Variants in SRPK2 observed in about 807,000 individuals in gnomAD.
SRPK2 encodes SFRS protein kinase 2.
SRPK2 carries 21 observed loss-of-function variants against 90.8 expected under a neutral mutation model. The observed-to-expected ratio is 0.23, with a 90% CI of 0.16 to 0.33. The LOEUF is 0.33. SRPK2 is among the 10% of genes least tolerant of loss of function. The pLI is 1.00. For synonymous variants in SRPK2, 288 were observed against 311.1 expected (o/e 0.93, Z 0.78); for missense variants, 620 against 869.0 (o/e 0.71, Z 3.60).
chr7:105,336,424 T>A (rs1815096904), intron 2 of SRPK2, among the ~76,000 whole-genome samples: 1 of 152,184 alleles, frequency 6.6e-6, no homozygotes, highest in Admixed American at 6.5e-5. Flanking sequence ...GAAAATACTT[T>A]CAAGATGTTA....
chr7:105,308,011 A>C (rs1164654109), intron 2 of SRPK2, among the ~76,000 whole-genome samples: 3 of 152,210 alleles, frequency 2.0e-5, no homozygotes, highest in African/African-American at 7.2e-5. Context: ...TATTTTTGCA[A>C]AGTGCTTGGC....
chr7:105,291,354 C>T (rs750113883), intron 2 of SRPK2, among the ~76,000 whole-genome samples: 7 of 152,150 alleles, frequency 4.6e-5, no homozygotes, highest in African/African-American at 7.2e-5. Flanking sequence ...TAAAGCCTAA[C>T]TCTGTCTGAC....
intron 3 of SRPK2, among the ~76,000 whole-genome samples, chr7:105,178,005 G>GGC (rs1317879002): frequency 3.3e-5 from 5 of 150,192 alleles, no homozygotes; most frequent in African/African-American, 4.9e-5. Context: ...CTCCAGCCTG[G>GGC]GCGACTGAGC....
In SRPK2 at chr7:105,170,977, G is replaced by GAAAGAAAGAGAA. The variant is rs749907215; in HGVS notation, c.230-1713_230-1712insTTCTCTTTCTTT. Among the ~76,000 whole-genome samples the GAAAGAAAGAGAA allele has an allele frequency of 2.3e-3, 96 of 42,212 alleles. 5 individuals are homozygous for GAAAGAAAGAGAA. The highest frequency in any genetic ancestry group is 8.1e-3 in the African/African-American group (81 of 10,004). The allele number at this position is 42,212 out of a possible 152,430, so 27.7% of individuals were successfully genotyped here. On this transcript the variant is annotated intron_variant, in intron 3 of 15. Coordinates refer to ENST00000393651, the MANE Select transcript of SRPK2 (RefSeq NM_182692.3). ...AAAGAAAGAAAGAAAGAGAAAGAAAGAGAAAGAAAGAAAGAAAGAGAAAGA... is the reference window on the plus strand; with the variant it reads ...AAAGAAAGAAAGAAAGAGAAAGAAAGAAAGAAAGAGAAAGAAAGAAAGAAAGAAAGAGAAAGA...
chr7:105,143,718 A>C (rs1804136319), intron 9 of SRPK2: 1 of 202,492 alleles, frequency 4.9e-6, no homozygotes. Context: ...AATGCCAAAA[A>C]TGAAACAGGT....
intron 15 of SRPK2, among the ~76,000 whole-genome samples, chr7:105,119,870 G>T (rs1800079416): frequency 6.6e-6 from 1 of 152,160 alleles, no homozygotes; most frequent in South Asian, 2.1e-4. Flanking sequence ...ATAGTAAAAT[G>T]GTGGTTAAAA....
intron 2 of SRPK2, among the ~76,000 whole-genome samples, chr7:105,253,177 C>T (rs1347658556): frequency 3.3e-5 from 5 of 152,152 alleles, no homozygotes; most frequent in Admixed American, 6.5e-5. Context: ...TACTCCATTT[C>T]GATGTTTAAT....
chr7:105,178,716 G>A (rs149228161), intron 3 of SRPK2, among the ~76,000 whole-genome samples: 4 of 152,174 alleles, frequency 2.6e-5, no homozygotes, highest in Non-Finnish European at 4.4e-5. Context: ...CAGCTACTCC[G>A]AAGGATCACT....
At chr7:105,191,872 A>C (rs1421499601) in intron 3 of SRPK2, among the ~76,000 whole-genome samples, 1 of 150,430 alleles carries the variant, frequency 6.6e-6, no homozygotes, top group East Asian at 1.9e-4. Flanking sequence ...GTAAAAAAAA[A>C]CAAAAAAAAC....
chr7:105,258,176 C>G (rs1254586030), intron 2 of SRPK2, among the ~76,000 whole-genome samples: 1 of 150,608 alleles, frequency 6.6e-6, no homozygotes, highest in South Asian at 2.1e-4. Flanking sequence ...CCCAGCACTT[C>G]GGGAGGCCGA....
At chr7:105,190,791 G>C (rs1794186239) in intron 3 of SRPK2, among the ~76,000 whole-genome samples, 1 of 152,148 alleles carries the variant, frequency 6.6e-6, no homozygotes, top group South Asian at 2.1e-4. Flanking sequence ...TGATACTTCT[G>C]ATTCTCCGAT....
At position 105,142,045 on chromosome 7, in the gene SRPK2, T is replaced by G. The variant is rs748280030; in HGVS notation, c.1506A>C (p.Arg502Ser). The G allele has an allele frequency of 6.8e-6, 11 of 1,613,690 alleles. No individual in the cohort carries two copies. The highest frequency in any genetic ancestry group is 9.3e-6 in the Non-Finnish European group (11 of 1,179,892). ...CCCCAGTACTGGAGGCTGAAACCGTTCTGCTTCTGTCATGGGATGGACTGC... is the reference window on the plus strand; with the variant it reads ...CCCCAGTACTGGAGGCTGAAACCGTGCTGCTTCTGTCATGGGATGGACTGC... ...EESSPSHDRSRTVSASSTGDL... is the reference protein window; with the variant it reads ...EESSPSHDRSSTVSASSTGDL... Residue 502 changes from arginine (R) to serine (S), a missense_variant, in exon 11 of 16, where the codon AGA (arginine) becomes AGC (serine). Coordinates refer to ENST00000393651, the MANE Select transcript of SRPK2 (RefSeq NM_182692.3).
intron 2 of SRPK2, among the ~76,000 whole-genome samples, chr7:105,384,576 A>G (rs1156925530): frequency 6.6e-6 from 1 of 152,244 alleles, no homozygotes; most frequent in Non-Finnish European, 1.5e-5. Context: ...CAGTCATCAT[A>G]TTAATAGTTT....
At chr7:105,273,448 CAG>C (rs2130615272) in intron 2 of SRPK2, among the ~76,000 whole-genome samples, 1 of 147,558 alleles carries the variant, frequency 6.8e-6, no homozygotes, top group South Asian at 2.2e-4. Flanking sequence ...TTTTTTGAGA[CAG>C]AGTCTCGTTC....
At chr7:105,211,840 T>C (rs1796901448) in intron 2 of SRPK2, among the ~76,000 whole-genome samples, 1 of 152,232 alleles carries the variant, frequency 6.6e-6, no homozygotes, top group African/African-American at 2.4e-5. Flanking sequence ...TTCTAGAACG[T>C]AGTACACAGC....
chr7:105,203,923 C>T (rs1012983439), intron 2 of SRPK2, 138 bp from the exon 3 acceptor site: 3 of 1,116,012 alleles, frequency 2.7e-6, no homozygotes, highest in Non-Finnish European at 2.5e-6. Flanking sequence ...TGTCACTTCA[C>T]CCATTTTAGT....
rs575719991 is a variant in SRPK2 at position 105,396,850 on chromosome 7, GAGGGAGGA to G, written n.153+2298_153+2305del. Among the ~76,000 whole-genome samples, 153 of 150,618 alleles carry G rather than the reference GAGGGAGGA, an allele frequency of 1.0e-3. 1 individual carries two copies. The highest frequency in any genetic ancestry group is 5.6e-3 in the Admixed American group (84 of 15,122). ...AGAGAGAGAGAGAAAGAAATAGAGG[GAGGGAGGA>G]AGGGAGGAAGGAAGGAAGGAAGGAA... On this transcript the variant is annotated intron_variant and non_coding_transcript_variant, in intron 1 of 3. Coordinates refer to the SRPK2 transcript ENST00000462282.
chr7:105,314,205 G>T (rs1462247161), intron 2 of SRPK2, among the ~76,000 whole-genome samples: 1 of 151,666 alleles, frequency 6.6e-6, no homozygotes, highest in African/African-American at 2.4e-5. Flanking sequence ...CATAGCACAT[G>T]CCTGTAATCC....
At chr7:105,272,050 T>C (rs577835919) in intron 2 of SRPK2, among the ~76,000 whole-genome samples, 89 of 152,336 alleles carry the variant, frequency 5.8e-4, no homozygotes, top group African/African-American at 2.0e-3. Context: ...TTAATTGATA[T>C]AGAGATCCAG....
Sources: gnomAD v4.1 joint callset for allele counts (sites outside exome capture counted in the v4.1 genomes callset) on GRCh38, gnomAD v4.1.1 for gene constraint, MANE v1.5 for transcripts, NCBI Gene and HGNC (gene_info 2026-07-23, HGNC 2026-07-21) for gene names.